ZEB1: variants seen among roughly 807,000 people sequenced by gnomAD.
The protein encoded by ZEB1 is zinc finger E-box binding homeobox 1, also known as zinc finger E-box-binding homeobox 1.
Under a neutral mutation model 84.9 loss-of-function variants are expected in ZEB1, and 21 were observed. The observed-to-expected ratio is 0.25, with a 90% confidence interval of 0.18 to 0.36. ZEB1 has a LOEUF of 0.36. Among genes scored for constraint, ZEB1 ranks in the 10% least tolerant of loss-of-function variants. The pLI is 1.00. For missense variants in ZEB1, 1,104 were observed against 1,330.2 expected, an observed-to-expected ratio of 0.83 and a Z score of 2.65; for synonymous variants, 420 against 471.1, an observed-to-expected ratio of 0.89 and a Z score of 1.41.
At chr10:31,346,580 GAGAT>G (rs1299765348) in intron 1 of ZEB1, among the ~76,000 whole-genome samples, 19 of 149,608 alleles carry the variant, frequency 1.3e-4, no homozygotes, top group African/African-American at 3.7e-4. Flanking sequence ...TTTTCTTTTT[GAGAT>G]AGATAAAGCC....
chr10:31,357,329 A>G (rs1194806619), intron 1 of ZEB1, among the ~76,000 whole-genome samples: 1 of 152,186 alleles, frequency 6.6e-6, no homozygotes, highest in African/African-American at 2.4e-5. Flanking sequence ...CAGGGCGTAG[A>G]GAACCAATGA....
At chr10:31,478,624 G>A (rs575251422) in intron 2 of ZEB1, among the ~76,000 whole-genome samples, 1 of 152,006 alleles carries the variant, frequency 6.6e-6, no homozygotes, top group East Asian at 1.9e-4. Context: ...TGGATAATTG[G>A]ATAAAGAAAA....
chr10:31,342,971 T>C (rs2039665875), intron 1 of ZEB1, among the ~76,000 whole-genome samples: 1 of 152,156 alleles, frequency 6.6e-6, no homozygotes, highest in Admixed American at 6.5e-5. Flanking sequence ...TTTGTTTGTG[T>C]TTGTGGCAGC....
intron 1 of ZEB1, among the ~76,000 whole-genome samples, chr10:31,394,054 G>A (rs1177128858): frequency 1.3e-5 from 2 of 152,096 alleles, no homozygotes; most frequent in African/African-American, 2.4e-5. Flanking sequence ...GAGGAGTGAT[G>A]GTGGGAAAGT....
At chr10:31,412,070 T>G (rs1431537499) in intron 1 of ZEB1, among the ~76,000 whole-genome samples, 11 of 152,160 alleles carry the variant, frequency 7.2e-5, no homozygotes, top group Admixed American at 7.2e-4. Flanking sequence ...TGCAGAGAAA[T>G]ATTTACAACA....
At chr10:31,452,344 T>C (rs12217563) in intron 1 of ZEB1, among the ~76,000 whole-genome samples, 32,619 of 151,920 alleles carry the variant, frequency 0.21, 4,461 homozygotes, top group East Asian at 0.43. Context: ...AAAATATATA[T>C]AGACAGTAAG....
chr10:31,433,451 T>C (rs1226015837), intron 1 of ZEB1, among the ~76,000 whole-genome samples: 1 of 152,230 alleles, frequency 6.6e-6, no homozygotes, highest in Non-Finnish European at 1.5e-5. Flanking sequence ...TGGCTTATTT[T>C]TGAGAAAATA....
chr10:31,344,070 A>C (rs1307356921), intron 1 of ZEB1, among the ~76,000 whole-genome samples: 1 of 152,080 alleles, frequency 6.6e-6, no homozygotes, highest in East Asian at 1.9e-4. Flanking sequence ...TGACAGCCTC[A>C]CTGGATCCTG....
intron 2 of ZEB1, among the ~76,000 whole-genome samples, chr10:31,473,974 TA>T (rs1199633348): frequency 6.6e-6 from 1 of 152,154 alleles, no homozygotes; most frequent in African/African-American, 2.4e-5. Context: ...ATTCCCTATT[TA>T]ATAAATGGTT....
intron 1 of ZEB1, among the ~76,000 whole-genome samples, chr10:31,429,085 G>A (rs1363397796): frequency 6.6e-6 from 1 of 152,128 alleles, no homozygotes; most frequent in East Asian, 1.9e-4. Flanking sequence ...AGTGATATGT[G>A]TGGATTTGAT....
At chr10:31,327,719 A>G (rs2035881932) in intron 1 of ZEB1, among the ~76,000 whole-genome samples, 1 of 152,176 alleles carries the variant, frequency 6.6e-6, no homozygotes, top group African/African-American at 2.4e-5. Context: ...AATAATTACT[A>G]AATTCTGTCA....
chr10:31,363,465 T>C (rs1412357886), intron 1 of ZEB1: 1 of 1,533,098 alleles, frequency 6.5e-7, no homozygotes, highest in African/African-American at 1.4e-5. Flanking sequence ...AAGTGAGGTT[T>C]CCCTGAGTCT....
chr10:31,452,828 T>C (rs1219262529), intron 1 of ZEB1, among the ~76,000 whole-genome samples: 1 of 151,398 alleles, frequency 6.6e-6, no homozygotes, highest in Non-Finnish European at 1.5e-5. Flanking sequence ...AAACACTTGG[T>C]CAGTGTTTCC....
intron 1 of ZEB1, among the ~76,000 whole-genome samples, chr10:31,376,937 T>C (rs921310514): frequency 6.6e-6 from 1 of 151,224 alleles, no homozygotes; most frequent in African/African-American, 2.4e-5. Context: ...TATTTCAGAG[T>C]GGTATGTAAA....
Position 31,346,731 on chromosome 10 carries a change from T to G in ZEB1, c.58+27439T>G, listed in dbSNP as rs145451451. 8.9e-4 allele frequency among the ~76,000 whole-genome samples: 136 copies of G among 152,278 alleles called. 1 individual carries two copies. The highest frequency in any genetic ancestry group is 3.1e-3 in the African/African-American group (130 of 41,572). On this transcript the variant is annotated intron_variant, in intron 1 of 8. Transcript: ENST00000424869. ...GTTTTTTCGCTGCCTTTAGTCTGGT[T>G]GTTCTTATTGTGTGAAGGGAACTTA... is the stretch of plus-strand genomic sequence containing the variant.
intron 2 of ZEB1, among the ~76,000 whole-genome samples, chr10:31,463,981 C>T (rs2062097585): frequency 6.6e-6 from 1 of 152,106 alleles, no homozygotes; most frequent in Non-Finnish European, 1.5e-5. Context: ...AAAATGACTA[C>T]TGTCTTGTTT....
chr10:31,353,895 TAA>T (rs1336830662), intron 1 of ZEB1, among the ~76,000 whole-genome samples: 1 of 152,162 alleles, frequency 6.6e-6, no homozygotes, highest in Non-Finnish European at 1.5e-5. Flanking sequence ...TTCTTGAAGA[TAA>T]GACTGAGGTG....
chr10:31,345,479 T>A (rs1318424150), intron 1 of ZEB1, among the ~76,000 whole-genome samples: 1 of 152,164 alleles, frequency 6.6e-6, no homozygotes, highest in Non-Finnish European at 1.5e-5. Flanking sequence ...TGTTATGAGT[T>A]GTCCACCTGT....
At chr10:31,435,744 C>G (rs2136346360) in intron 1 of ZEB1, among the ~76,000 whole-genome samples, 1 of 152,214 alleles carries the variant, frequency 6.6e-6, no homozygotes, top group Middle Eastern at 3.4e-3. Context: ...AAATGTGGAG[C>G]CTTGCAGGAA....
Sources: gnomAD v4.1 joint callset for allele counts (sites outside exome capture counted in the v4.1 genomes callset) on GRCh38, gnomAD v4.1.1 for gene constraint, MANE v1.5 for transcripts, NCBI Gene and HGNC (gene_info 2026-07-23, HGNC 2026-07-21) for gene names.